The following CFAP54 variants were observed in gnomAD, a reference collection of about 807,000 sequenced individuals.
The protein encoded by CFAP54 is cilia and flagella associated protein 54.
In CFAP54, 290 loss-of-function variants were observed where a neutral mutation model predicts 370.4. That is an observed-to-expected ratio of 0.78 (90% confidence interval 0.71 to 0.86). The LOEUF is 0.86. Among genes scored for constraint, CFAP54 ranks in the 40% least tolerant of loss-of-function variants. The probability of loss-of-function intolerance (pLI) is 0.00; values close to 1 mark genes in which losing one functional copy is unlikely to be tolerated. For missense variants in CFAP54, 3,399 were observed against 3,528.7 expected, an observed-to-expected ratio of 0.96 and a Z score of 0.93; for synonymous variants, 1,206 against 1,236.5, an observed-to-expected ratio of 0.98 and a Z score of 0.52.
At chr12:96,690,903 G>A (rs1217308304) in intron 43 of CFAP54, among the ~76,000 whole-genome samples, 1 of 152,036 alleles carries the variant, frequency 6.6e-6, no homozygotes, top group Non-Finnish European at 1.5e-5. Flanking sequence ...TTGAAAATAA[G>A]AAGTATCCAA....
chr12:96,502,362 G>C (rs1955038892), intron 2 of CFAP54, among the ~76,000 whole-genome samples: 1 of 119,100 alleles, frequency 8.4e-6, no homozygotes, highest in Admixed American at 1.1e-4. Flanking sequence ...AGGAGTTTGA[G>C]ACAAGCCTGG....
chr12:96,688,778 C>T (rs574835501), intron 42 of CFAP54, 138 bp from the exon 43 acceptor site: 55 of 453,216 alleles, frequency 1.2e-4, no homozygotes, highest in South Asian at 6.0e-4. Flanking sequence ...ATATATTTTC[C>T]TTCTATTTTC....
chr12:96,538,371 C>T lies in CFAP54; in HGVS notation c.1792-13C>T, dbSNP rs1219298595. The stretch of plus-strand genomic sequence containing the variant: ...TTATTCCTACTCATTTACCTTCTCA[C>T]TTTTGTTTTTAGGATGTTCAACCTG... On this transcript the variant is annotated splice_polypyrimidine_tract_variant and intron_variant, in intron 12 of 67. Transcript: ENST00000524981. 6.1e-5 allele frequency: 94 copies of T among 1,528,762 alleles called. No individual in the cohort carries two copies. The highest frequency in any genetic ancestry group is 7.9e-5 in the Non-Finnish European group (90 of 1,141,460). 94.7% of individuals were successfully genotyped at this position (1,528,762 alleles called of 1,614,324 possible). A position where few individuals can be genotyped will look rare whatever the true frequency, so the allele number is the denominator to read the frequency against.
intron 63 of CFAP54, among the ~76,000 whole-genome samples, chr12:96,796,821 C>T (rs1958767998): frequency 6.6e-6 from 1 of 151,910 alleles, no homozygotes; most frequent in African/African-American, 2.4e-5. Context: ...TGTGTATTCT[C>T]CTCTTTTTCT....
intron 26 of CFAP54, among the ~76,000 whole-genome samples, chr12:96,617,069 A>T (rs1353857651): frequency 6.6e-6 from 1 of 152,168 alleles, no homozygotes; most frequent in African/African-American, 2.4e-5. Context: ...TAAAGGAGGG[A>T]GAGGGAAGAG....
chr12:96,515,117 C>T (rs886313776), intron 5 of CFAP54, among the ~76,000 whole-genome samples: 1 of 151,554 alleles, frequency 6.6e-6, no homozygotes, highest in Non-Finnish European at 1.5e-5. Context: ...AAGTGATTCT[C>T]CTGCCACAGC....
At chr12:96,725,189 G>A (rs1432287352) in intron 50 of CFAP54, among the ~76,000 whole-genome samples, 2 of 151,782 alleles carry the variant, frequency 1.3e-5, no homozygotes, top group Non-Finnish European at 2.9e-5. Flanking sequence ...GAACTTTAAA[G>A]TAATTTTTTC....
At chr12:96,524,932 T>C (rs1955361058) in intron 8 of CFAP54, among the ~76,000 whole-genome samples, 1 of 152,216 alleles carries the variant, frequency 6.6e-6, no homozygotes, top group Non-Finnish European at 1.5e-5. Context: ...TTATAAGTAT[T>C]GACATCATCC....
intron 59 of CFAP54, 23 bp downstream of exon 59, chr12:96,764,272 C>CT (rs1196953294): frequency 6.5e-7 from 1 of 1,542,136 alleles, no homozygotes; most frequent in Non-Finnish European, 8.9e-7. Context: ...TTTGTTTAAT[C>CT]TTTCTTCTTA....
chr12:96,710,240 T>G lies in CFAP54; in HGVS notation c.6724+1437T>G, dbSNP rs575162105. ...TGCTACTGAAAAAATAGTTACAGTT[T>G]CCAAGAGGAAGGGTGCGCCACACCA... is the stretch of plus-strand genomic sequence containing the variant. On this transcript the variant is annotated intron_variant, in intron 48 of 67. Transcript: ENST00000524981. 2.6e-5 allele frequency among the ~76,000 whole-genome samples: 4 copies of G among 152,176 alleles called. No individual in the cohort carries two copies. In the South Asian group the frequency reaches 8.3e-4, roughly 32 times the overall value.
chr12:96,645,114 A>G (rs1455962272), intron 33 of CFAP54: 3 of 456,506 alleles, frequency 6.6e-6, no homozygotes, highest in Non-Finnish European at 1.3e-5. Context: ...CTTTAAGATC[A>G]TATTTACTCA....
intron 62 of CFAP54, among the ~76,000 whole-genome samples, chr12:96,787,432 T>C (rs759764838): frequency 7.9e-5 from 12 of 152,164 alleles, no homozygotes; most frequent in Non-Finnish European, 1.6e-4. Context: ...AGATATGTAA[T>C]ATGGAAACTT....
chr12:96,758,984 A>AT (rs537959979), intron 58 of CFAP54, among the ~76,000 whole-genome samples: 2 of 152,062 alleles, frequency 1.3e-5, no homozygotes, highest in African/African-American at 4.8e-5. Context: ...CAGTAATTTT[A>AT]TTTTTTGTTT....
Position 96,827,632 on chromosome 12 carries a change from A to AGTGTGC in CFAP54, c.9097-1382_9097-1381insGTGTGC, listed in dbSNP as rs761805125. 1.5e-5 allele frequency among the ~76,000 whole-genome samples: 2 copies of AGTGTGC among 130,120 alleles called. 1 individual carries two copies. Among genetic ancestry groups the AGTGTGC allele is most frequent in the Admixed American group, 1.8e-4 (2 of 11,012 alleles). The allele number at this position is 130,120 out of a possible 152,430, so 85.4% of individuals were successfully genotyped here. Reference sequence around the variant, plus strand: ...TGTGCAATTATATGTGATTATATATAATGTGTAATATGATACATAGTAATA... The same window carrying AGTGTGC: ...TGTGCAATTATATGTGATTATATATAGTGTGCATGTGTAATATGATACATAGTAATA... On this transcript the variant is annotated intron_variant, in intron 65 of 67. Coordinates refer to ENST00000524981, the MANE Select transcript of CFAP54 (RefSeq NM_001306084.2).
chr12:96,740,783 G>A (rs1958041615), intron 51 of CFAP54, among the ~76,000 whole-genome samples: 1 of 152,116 alleles, frequency 6.6e-6, no homozygotes, highest in Non-Finnish European at 1.5e-5. Context: ...TTGTCAATTG[G>A]GGGTGATTTT....
chr12:96,538,549 T>G, intron 13 of CFAP54, 31 bp downstream of exon 13: 2 of 1,529,622 alleles, frequency 1.3e-6, no homozygotes, highest in East Asian at 2.5e-5. Flanking sequence ...TTCACGTGTT[T>G]TTTTTGCTAT....
At chr12:96,865,336 C>T (rs1308260345) in intron 67 of CFAP54, among the ~76,000 whole-genome samples, 1 of 152,138 alleles carries the variant, frequency 6.6e-6, no homozygotes, top group Non-Finnish European at 1.5e-5. Context: ...CTGGATTCAT[C>T]TCAAAAGCAG....
chr12:96,725,153 A>G (rs1020363379), intron 50 of CFAP54, among the ~76,000 whole-genome samples: 3 of 152,078 alleles, frequency 2.0e-5, no homozygotes, highest in African/African-American at 7.3e-5. Flanking sequence ...TGACTTGGCG[A>G]TGCGGGCTCT....
At chr12:96,560,257 A>G (rs961839277) in intron 17 of CFAP54, among the ~76,000 whole-genome samples, 10 of 152,054 alleles carry the variant, frequency 6.6e-5, no homozygotes, top group Non-Finnish European at 1.3e-4. Flanking sequence ...TCATTAACCA[A>G]TCTCTGGTTA....
Sources: allele counts gnomAD v4.1 joint callset (sites outside exome capture counted in the v4.1 genomes callset), GRCh38; gene constraint gnomAD v4.1.1; transcripts MANE v1.5; gene names NCBI Gene and HGNC (gene_info 2026-07-23, HGNC 2026-07-21).